Variants in RABGAP1L observed in about 807,000 individuals in gnomAD.
RABGAP1L encodes the protein rab GTPase-activating protein 1-like.
In RABGAP1L, 63 loss-of-function variants were observed where a neutral mutation model predicts 137.7. The ratio of observed to expected loss-of-function variants is 0.46; its 90% CI spans 0.37 to 0.56. RABGAP1L has a LOEUF of 0.56. Among genes scored for constraint, RABGAP1L ranks in the 20% least tolerant of loss-of-function variants. The pLI is 0.00. For missense variants in RABGAP1L, 1,095 were observed against 1,244.0 expected (o/e 0.88, Z 1.80); for synonymous variants, 431 against 433.7 (o/e 0.99, Z 0.08).
chr1:174,731,427 T>G (rs1682463165), intron 17 of RABGAP1L, among the ~76,000 whole-genome samples: 1 of 152,244 alleles, frequency 6.6e-6, no homozygotes, highest in South Asian at 2.1e-4. Flanking sequence ...AAAAGGAACT[T>G]ACCCAGTGTA....
chr1:174,796,802 T>C (rs1288636630), intron 18 of RABGAP1L, among the ~76,000 whole-genome samples: 1 of 151,800 alleles, frequency 6.6e-6, no homozygotes, highest in Non-Finnish European at 1.5e-5. Context: ...AGGTCAGGAG[T>C]TGAAGACCAG....
intron 18 of RABGAP1L, among the ~76,000 whole-genome samples, chr1:174,771,308 G>C (rs1349837247): frequency 6.6e-6 from 1 of 152,168 alleles, no homozygotes; most frequent in Non-Finnish European, 1.5e-5. Context: ...CTAAATTTAT[G>C]TCATGCCAGC....
At chr1:174,983,966 A>G (rs926953624) in intron 24 of RABGAP1L, among the ~76,000 whole-genome samples, 3 of 151,422 alleles carry the variant, frequency 2.0e-5, no homozygotes, top group African/African-American at 7.3e-5. Context: ...TTTGTACATT[A>G]TAGGCATACT....
chr1:174,642,932 G>T (rs1057041760), intron 14 of RABGAP1L, among the ~76,000 whole-genome samples: 1 of 151,734 alleles, frequency 6.6e-6, no homozygotes, highest in Non-Finnish European at 1.5e-5. Flanking sequence ...TTACAGGCAC[G>T]CACCACCACT....
intron 18 of RABGAP1L, among the ~76,000 whole-genome samples, chr1:174,774,323 G>A (rs1686353204): frequency 6.6e-6 from 1 of 152,132 alleles, no homozygotes; most frequent in African/African-American, 2.4e-5. Context: ...AAGAGCCATG[G>A]CTCATGCCTG....
At chr1:174,685,856 C>T (rs1041821405) in intron 15 of RABGAP1L, among the ~76,000 whole-genome samples, 12 of 152,092 alleles carry the variant, frequency 7.9e-5, no homozygotes, top group African/African-American at 1.9e-4. Context: ...CCGCTGTGCC[C>T]GTCTGATGAT....
chr1:174,826,314 C>A (rs776538998), intron 19 of RABGAP1L, among the ~76,000 whole-genome samples: 1 of 152,078 alleles, frequency 6.6e-6, no homozygotes, highest in Non-Finnish European at 1.5e-5. Context: ...TCACGCCTCT[C>A]GGGTTCAAGT....
At chr1:174,436,105 A>G (rs987595416) in intron 13 of RABGAP1L, among the ~76,000 whole-genome samples, 18 of 152,138 alleles carry the variant, frequency 1.2e-4, no homozygotes, top group Non-Finnish European at 1.8e-4. Context: ...GAATAGTGCC[A>G]CAATAACCAT....
At chr1:174,229,164 G>A (rs1670429489) in intron 3 of RABGAP1L, among the ~76,000 whole-genome samples, 3 of 152,154 alleles carry the variant, frequency 2.0e-5, no homozygotes, top group South Asian at 4.2e-4. Flanking sequence ...AAGCCAGCAA[G>A]CCAGGAATGA....
At chr1:174,884,917 T>A (rs749062076) in intron 19 of RABGAP1L, among the ~76,000 whole-genome samples, 2 of 152,246 alleles carry the variant, frequency 1.3e-5, no homozygotes, top group Non-Finnish European at 2.9e-5. Context: ...ATTTCTTTGG[T>A]GAGAATCTGA....
chr1:174,837,711 G>T (rs1349234041), intron 19 of RABGAP1L, among the ~76,000 whole-genome samples: 1 of 152,108 alleles, frequency 6.6e-6, no homozygotes, highest in Non-Finnish European at 1.5e-5. Flanking sequence ...AAAACAAAAG[G>T]AGTTTATTCT....
intron 13 of RABGAP1L, among the ~76,000 whole-genome samples, chr1:174,623,033 ACTGAT>A (rs767554543): frequency 6.6e-6 from 1 of 152,176 alleles, no homozygotes; most frequent in Non-Finnish European, 1.5e-5. Flanking sequence ...TCTTCCTTGC[ACTGAT>A]CTGATACAGA....
intron 14 of RABGAP1L, among the ~76,000 whole-genome samples, chr1:174,650,501 A>T (rs975062625): frequency 6.7e-6 from 1 of 150,178 alleles, no homozygotes; most frequent in Non-Finnish European, 1.5e-5. Flanking sequence ...GATTATTGCC[A>T]CAATTTCAGA....
At chr1:174,659,496 C>T (rs954988193) in intron 14 of RABGAP1L, among the ~76,000 whole-genome samples, 1 of 152,180 alleles carries the variant, frequency 6.6e-6, no homozygotes, top group South Asian at 2.1e-4. Context: ...CACTTGGCTT[C>T]TACTACTTTT....
intron 17 of RABGAP1L, among the ~76,000 whole-genome samples, chr1:174,719,148 G>T (rs1345240166): frequency 6.6e-6 from 1 of 152,024 alleles, no homozygotes; most frequent in Non-Finnish European, 1.5e-5. Context: ...CTATAGTATG[G>T]TAGGTTTTCT....
intron 13 of RABGAP1L, among the ~76,000 whole-genome samples, chr1:174,580,434 T>G (rs1668651682): frequency 6.6e-6 from 1 of 152,192 alleles, no homozygotes; most frequent in East Asian, 1.9e-4. Context: ...ATATACACCA[T>G]GGAATACTAT....
At chr1:174,473,402 T>A (rs1294620076) in intron 13 of RABGAP1L, among the ~76,000 whole-genome samples, 1 of 152,128 alleles carries the variant, frequency 6.6e-6, no homozygotes, top group Non-Finnish European at 1.5e-5. Context: ...TTCTTGATTT[T>A]GGTATAGCAT....
chr1:174,724,533 A>G (rs1681830993), intron 17 of RABGAP1L, among the ~76,000 whole-genome samples: 1 of 152,180 alleles, frequency 6.6e-6, no homozygotes, highest in Admixed American at 6.5e-5. Flanking sequence ...AATAGATAAT[A>G]TCTCATCAAC....
intron 17 of RABGAP1L, among the ~76,000 whole-genome samples, chr1:174,706,186 AT>A (rs1680032228): frequency 1.3e-5 from 2 of 152,186 alleles, no homozygotes; most frequent in Non-Finnish European, 2.9e-5. Flanking sequence ...AATAAAGTTA[AT>A]TTAGCAGAAA....
Sources: allele counts gnomAD v4.1 joint callset (sites outside exome capture counted in the v4.1 genomes callset), GRCh38; gene constraint gnomAD v4.1.1; transcripts MANE v1.5; gene names NCBI Gene and HGNC (gene_info 2026-07-23, HGNC 2026-07-21).